The following DOK4 variants were observed in gnomAD, a reference collection of about 807,000 sequenced individuals.
The protein encoded by DOK4 is docking protein 4.
In DOK4, 26 loss-of-function variants were observed where a neutral mutation model predicts 40.1. The observed-to-expected ratio is 0.65, with a 90% CI of 0.48 to 0.90. The LOEUF is 0.90. Among genes scored for constraint, DOK4 ranks in the 40% least tolerant of loss-of-function variants. The probability of loss-of-function intolerance (pLI) is 0.00; values close to 1 mark genes in which losing one functional copy is unlikely to be tolerated. For missense variants in DOK4, 392 were observed against 437.2 expected (o/e 0.90, Z 0.92); for synonymous variants, 179 against 177.0 (o/e 1.01, Z -0.09).
chr16:57,473,430 T>G, exon 9 of DOK4: 1 of 1,614,180 alleles, frequency 6.2e-7, no homozygotes, highest in Non-Finnish European at 8.5e-7. Flanking sequence ...GGCTTTGGCT[T>G]TAGCAGGATG....
chr16:57,486,769 G>A (rs1451937612), upstream of DOK4, among the ~76,000 whole-genome samples: 1 of 150,082 alleles, frequency 6.7e-6, no homozygotes, highest in Non-Finnish European at 1.5e-5. Flanking sequence ...ACTTCTTCAG[G>A]AATCACATAC....
chr16:57,474,242 A>G (rs1376552366), intron 6 of DOK4, among the ~76,000 whole-genome samples: 4 of 152,148 alleles, frequency 2.6e-5, no homozygotes, highest in Admixed American at 2.0e-4. Context: ...CATTATAAGA[A>G]TTAACCCATT....
chr16:57,479,551 G>A lies in DOK4; in HGVS notation c.-44C>T, dbSNP rs774598171. On this transcript the variant is annotated 5_prime_UTR_variant, in exon 2 of 9. Transcript: ENST00000340099. The surrounding 1 kb of genome is among the most constrained non-coding windows in gnomAD (Gnocchi z 5.8). ...GGGCGCGGGGCCTGGCAGAGGCGAG[G>A]GGAAGGATGCCCAGGTGCCTGGGTC... 5.0e-6 allele frequency: 8 copies of A among 1,607,322 alleles called. No individual in the cohort carries two copies. The highest frequency in any genetic ancestry group is 6.0e-6 in the Non-Finnish European group (7 of 1,176,462).
exon 7 of DOK4, chr16:57,474,019 C>T (rs1191928697): frequency 6.2e-7 from 1 of 1,614,138 alleles, no homozygotes; most frequent in East Asian, 2.2e-5. Flanking sequence ...GGTATAGAGT[C>T]CTTCCCCAGC....
intron 1 of DOK4, chr16:57,484,238 C>T (rs1487680927): frequency 6.6e-6 from 1 of 152,368 alleles, no homozygotes; most frequent in East Asian, 1.9e-4. Context: ...CCTGACAGAT[C>T]GGATCTTATC....
At position 57,485,262 on chromosome 16, in the gene DOK4, G is replaced by A. The variant is rs1023546919; in HGVS notation, c.-182+1043C>T. On this transcript the variant is annotated intron_variant, in intron 1 of 8. Transcript: ENST00000340099. The surrounding 1 kb of genome is among the most constrained non-coding windows in gnomAD (Gnocchi z 4.3). ...ACATCGAGGCCAGGCCTAGTTGGGC[G>A]GCCCCACCTTGGCCAGGGTTGTGGG... 6.6e-6 allele frequency among the ~76,000 whole-genome samples: 1 copy of A among 152,218 alleles called. No homozygotes were observed.
exon 4 of DOK4, chr16:57,475,597 C>T: frequency 6.2e-7 from 1 of 1,606,778 alleles, no homozygotes; most frequent in Non-Finnish European, 8.5e-7. Context: ...GCGTAACACA[C>T]TTGACGTTGC....
intron 2 of DOK4, chr16:57,478,631 TGTC>T: frequency 6.6e-6 from 1 of 152,436 alleles, no homozygotes; most frequent in East Asian, 1.9e-4. Context: ...CCTCTGCTCC[TGTC>T]TTCTAGGGGG....
exon 6 of DOK4, chr16:57,474,848 A>T: frequency 1.2e-6 from 2 of 1,614,208 alleles, no homozygotes; most frequent in Non-Finnish European, 1.7e-6. Context: ...CGCAGTGAGC[A>T]GAGGGGCCAC....
exon 9 of DOK4, chr16:57,473,095 G>C: frequency 2.4e-6 from 1 of 412,320 alleles, no homozygotes; most frequent in Non-Finnish European, 4.4e-6. Flanking sequence ...GATGGGGTGA[G>C]GGTGAGGGGA....
intron 3 of DOK4, 92 bp downstream of exon 3, chr16:57,475,758 C>G (rs1228635519): frequency 1.0e-6 from 1 of 995,872 alleles, no homozygotes; most frequent in African/African-American, 1.7e-5. Context: ...CCCCCTTTCT[C>G]CCCTCTCTCC....
At chr16:57,484,019 C>G (rs1338128166) in intron 1 of DOK4, 1 of 152,362 alleles carries the variant, frequency 6.6e-6, no homozygotes, top group African/African-American at 2.4e-5. Context: ...AAATGCTCCT[C>G]TCCCCAGGAA....
chr16:57,476,104 C>A, intron 2 of DOK4, 147 bp from the exon 3 acceptor site: 1 of 647,696 alleles, frequency 1.5e-6, no homozygotes, highest in Non-Finnish European at 2.7e-6. Flanking sequence ...GGGTGGGAGT[C>A]ACCAGCAGTG....
chr16:57,481,695 C>T (rs1389493815), intron 1 of DOK4: 2 of 152,244 alleles, frequency 1.3e-5, no homozygotes, highest in African/African-American at 4.8e-5. Context: ...TAGCACAGCC[C>T]GGAGTGTGAA....
At position 57,485,370 on chromosome 16, in the gene DOK4, T is replaced by G. The variant is rs1567593580; in HGVS notation, c.-182+935A>C. On this transcript the variant is annotated intron_variant, in intron 1 of 8. Transcript: ENST00000340099. This position sits in a 1 kb window ranked among gnomAD's most constrained non-coding sequence, Gnocchi z 4.3. ...GTACCAGCACAGCAAGGCAAGCAAC[T>G]GGGGAGAGGAGGCACAGCTCCTGGG... Among the ~76,000 whole-genome samples the G allele has an allele frequency of 6.6e-6, 1 of 151,846 alleles. No individual in the cohort carries two copies. Among genetic ancestry groups the G allele is most frequent in the Non-Finnish European group, 1.5e-5 (1 of 67,952 alleles).
intron 6 of DOK4, 72 bp downstream of exon 6, chr16:57,474,721 G>A: frequency 1.9e-6 from 3 of 1,557,276 alleles, no homozygotes; most frequent in Non-Finnish European, 2.6e-6. Flanking sequence ...CTAGCACAGT[G>A]CCCAACACAG....
intron 1 of DOK4, among the ~76,000 whole-genome samples, chr16:57,484,556 C>T (rs760887766): frequency 6.6e-6 from 1 of 152,156 alleles, no homozygotes; most frequent in Non-Finnish European, 1.5e-5. Context: ...CAGCCATGGT[C>T]CCCCAGACCC....
At chr16:57,482,908 T>C (rs1338642211) in intron 1 of DOK4, among the ~76,000 whole-genome samples, 3 of 152,226 alleles carry the variant, frequency 2.0e-5, no homozygotes, top group African/African-American at 7.2e-5. Context: ...CTTCCCAGTG[T>C]TGCCCCACCA....
intron 2 of DOK4, 78 bp from the exon 3 acceptor site, chr16:57,476,035 C>G: frequency 7.9e-7 from 1 of 1,272,934 alleles, no homozygotes; most frequent in Non-Finnish European, 1.1e-6. Context: ...GCCACCCCTG[C>G]CTGCCACAGG....
Sources: allele counts gnomAD v4.1 joint callset (sites outside exome capture counted in the v4.1 genomes callset), GRCh38; gene constraint gnomAD v4.1.1; non-coding constraint Gnocchi (gnomAD v3.1); transcripts MANE v1.5; gene names NCBI Gene and HGNC (gene_info 2026-07-23, HGNC 2026-07-21).